Variants in TMEFF1 observed in about 807,000 individuals in gnomAD.
TMEFF1 encodes the protein transmembrane protein with EGF like and two follistatin like domains 1.
TMEFF1 carries 20 observed loss-of-function variants against 47.5 expected under a neutral mutation model. That is an observed-to-expected ratio of 0.42 (90% CI 0.30 to 0.61). The LOEUF is 0.61. TMEFF1 is among the 20% of genes least tolerant of loss of function. TMEFF1 has a pLI of 0.19. For missense variants in TMEFF1, 411 were observed against 471.1 expected, an observed-to-expected ratio of 0.87 and a Z score of 1.18; for synonymous variants, 162 against 166.3, an observed-to-expected ratio of 0.97 and a Z score of 0.20.
At chr9:100,525,261 C>T (rs901657243) in intron 5 of TMEFF1, among the ~76,000 whole-genome samples, 3 of 152,088 alleles carry the variant, frequency 2.0e-5, no homozygotes, top group Non-Finnish European at 2.9e-5. Context: ...CGCAGACCCA[C>T]GGTTAAGGAC....
chr9:100,574,276 G>A (rs1197179824), intron 9 of TMEFF1, among the ~76,000 whole-genome samples: 1 of 152,158 alleles, frequency 6.6e-6, no homozygotes, highest in African/African-American at 2.4e-5. Flanking sequence ...TATGAGGTAG[G>A]GGGAAGACCA....
chr9:100,575,052 CCTGT>C (rs1164830422), intron 9 of TMEFF1, among the ~76,000 whole-genome samples: 2 of 152,142 alleles, frequency 1.3e-5, no homozygotes, highest in African/African-American at 4.8e-5. Context: ...CTCCTGGAGG[CCTGT>C]CTTTTTATTA....
intron 1 of TMEFF1, among the ~76,000 whole-genome samples, chr9:100,496,677 C>T (rs1018659054): frequency 1.1e-4 from 16 of 152,178 alleles, no homozygotes; most frequent in African/African-American, 3.9e-4. Flanking sequence ...TTCTAGCTTG[C>T]AATCCACTGT....
intron 5 of TMEFF1, among the ~76,000 whole-genome samples, chr9:100,543,487 G>T (rs1157131580): frequency 6.6e-6 from 1 of 151,812 alleles, no homozygotes; most frequent in African/African-American, 2.4e-5. Flanking sequence ...GTCTCTGTGG[G>T]CTGAGCTGCA....
chr9:100,557,650 A>G (rs775852206), intron 7 of TMEFF1, among the ~76,000 whole-genome samples: 2 of 152,154 alleles, frequency 1.3e-5, no homozygotes, highest in Non-Finnish European at 2.9e-5. Context: ...CCTTTAGCCT[A>G]CAGTGAATTC....
chr9:100,550,402 C>T (rs948671488), intron 7 of TMEFF1, among the ~76,000 whole-genome samples: 3 of 152,152 alleles, frequency 2.0e-5, no homozygotes, highest in African/African-American at 7.2e-5. Context: ...TTTAGATGTA[C>T]ATGCACTTGT....
intron 3 of TMEFF1, among the ~76,000 whole-genome samples, chr9:100,511,553 TG>T (rs1381808478): frequency 1.3e-5 from 2 of 152,258 alleles, no homozygotes; most frequent in African/African-American, 2.4e-5. Context: ...TTTGGTCTTT[TG>T]TGGATCCTAT....
rs528216167 is a variant in TMEFF1 at position 100,520,831 on chromosome 9, G to A, written c.560+4060G>A. Among the ~76,000 whole-genome samples, 4 of 152,242 alleles carry A rather than the reference G, an allele frequency of 2.6e-5. No homozygotes were observed. In the South Asian group the frequency reaches 8.3e-4, roughly 31 times the overall value. ...AACCAGAACATAGGTCTCATGACAA[G>A]GAATCAGTCTATTGTGTTGTGCATG... is the stretch of plus-strand genomic sequence containing the variant. On this transcript the variant is annotated intron_variant, in intron 5 of 9. Transcript: ENST00000374879.
chr9:100,488,818 A>G (rs569004314), intron 1 of TMEFF1, among the ~76,000 whole-genome samples: 67 of 152,278 alleles, frequency 4.4e-4, no homozygotes, highest in African/African-American at 1.5e-3. Context: ...TAAAAAACAT[A>G]TTATAATGCC....
chr9:100,576,221 A>G (rs1240201753), intron 9 of TMEFF1, among the ~76,000 whole-genome samples: 1 of 152,154 alleles, frequency 6.6e-6, no homozygotes, highest in Non-Finnish European at 1.5e-5. Flanking sequence ...AGGGTGGGAT[A>G]TCTGTCAGGG....
chr9:100,538,967 C>T (rs553089283), intron 5 of TMEFF1, among the ~76,000 whole-genome samples: 1 of 152,058 alleles, frequency 6.6e-6, no homozygotes, highest in Admixed American at 6.6e-5. Context: ...TGCACTGGCT[C>T]AATCTCAGCT....
At chr9:100,500,034 T>C (rs1837728910) in intron 2 of TMEFF1, among the ~76,000 whole-genome samples, 1 of 152,214 alleles carries the variant, frequency 6.6e-6, no homozygotes, top group Non-Finnish European at 1.5e-5. Flanking sequence ...TGGCTTCAGA[T>C]CCCTGCTGCC....
chr9:100,473,424 C>G lies in TMEFF1; in HGVS notation c.-121C>G. 1.4e-6 allele frequency: 1 copy of G among 731,100 alleles called. No individual in the cohort carries two copies. Among genetic ancestry groups the G allele is most frequent in the Non-Finnish European group, 1.9e-6 (1 of 539,486 alleles). 45.3% of individuals were successfully genotyped at this position (731,100 alleles called of 1,614,324 possible). On this transcript the variant is annotated 5_prime_UTR_variant, in exon 1 of 10. Coordinates refer to ENST00000374879, the MANE Select transcript of TMEFF1 (RefSeq NM_003692.5). The surrounding 1 kb of genome is among the most constrained non-coding windows in gnomAD (Gnocchi z 5.4). Reference sequence around the variant, plus strand: ...GTGGGGCGGGGATGCTGACGGGCTGCTCCCCGGCTCAGCGGCGCGGCTGCT... The same window carrying G: ...GTGGGGCGGGGATGCTGACGGGCTGGTCCCCGGCTCAGCGGCGCGGCTGCT...
chr9:100,475,162 A>T (rs1837197201), intron 1 of TMEFF1, among the ~76,000 whole-genome samples: 1 of 152,160 alleles, frequency 6.6e-6, no homozygotes, highest in Admixed American at 6.5e-5. Context: ...AAGGGGCATT[A>T]TTTCTGGAAG....
intron 7 of TMEFF1, among the ~76,000 whole-genome samples, chr9:100,551,074 G>A (rs1199228942): frequency 2.0e-5 from 3 of 152,208 alleles, no homozygotes; most frequent in Admixed American, 6.5e-5. Flanking sequence ...TGGCCTTCTA[G>A]GCCAGGACCT....
intron 7 of TMEFF1, among the ~76,000 whole-genome samples, chr9:100,553,087 AAGGATGGCCAAT>A (rs1295985599): frequency 1.3e-5 from 2 of 152,144 alleles, no homozygotes; most frequent in Non-Finnish European, 2.9e-5. Context: ...CTACAAGGGA[AAGGATGGCCAAT>A]AGCTTAAAAA....
At chr9:100,545,086 G>A (rs1564024104) in intron 5 of TMEFF1, among the ~76,000 whole-genome samples, 2 of 152,162 alleles carry the variant, frequency 1.3e-5, no homozygotes, top group African/African-American at 4.8e-5. Context: ...TGCACAGTGC[G>A]AGCTGTCAGT....
chr9:100,503,222 C>G (rs896623818), intron 2 of TMEFF1, among the ~76,000 whole-genome samples: 2 of 151,622 alleles, frequency 1.3e-5, no homozygotes, highest in Non-Finnish European at 2.9e-5. Context: ...TAACAGATAA[C>G]AGGATTTTAA....
intron 5 of TMEFF1, among the ~76,000 whole-genome samples, chr9:100,545,317 C>T (rs1035217678): frequency 1.3e-5 from 2 of 152,204 alleles, no homozygotes; most frequent in Admixed American, 6.5e-5. Flanking sequence ...TCCCAAACCC[C>T]ATTTCTTGAC....
Sources: allele counts gnomAD v4.1 joint callset (sites outside exome capture counted in the v4.1 genomes callset), GRCh38; gene constraint gnomAD v4.1.1; non-coding constraint Gnocchi (gnomAD v3.1); transcripts MANE v1.5; gene names NCBI Gene and HGNC (gene_info 2026-07-23, HGNC 2026-07-21).